Variants in ABCG8 observed in about 807,000 individuals in gnomAD.
The protein encoded by ABCG8 is ATP-binding cassette sub-family G member 8.
Under a neutral mutation model 71.3 loss-of-function variants are expected in ABCG8, and 81 were observed. The ratio of observed to expected loss-of-function variants is 1.14; its 90% confidence interval spans 0.95 to 1.37. ABCG8 has a LOEUF of 1.37. Ranked by LOEUF, ABCG8 falls within the 40% of genes most tolerant of loss-of-function variation. ABCG8 has a pLI of 0.00. For synonymous variants in ABCG8, 451 were observed against 354.7 expected (o/e 1.27, Z -3.05); for missense variants, 1,119 against 866.2 (o/e 1.29, Z -3.66).
rs763648421 is a variant in ABCG8, at chr2:43,872,197, A to G, written c.1128-26A>G. ...CCTGCAGAAGGTGGCTGCCCCCATGACCTGGCCACATCTTCTGCCTCCCAG... is the reference window on the plus strand; with the variant it reads ...CCTGCAGAAGGTGGCTGCCCCCATGGCCTGGCCACATCTTCTGCCTCCCAG... On this transcript the variant is annotated intron_variant, in intron 7 of 12. Transcript: ENST00000272286. 3 of 1,613,918 alleles carry G rather than the reference A, an allele frequency of 1.9e-6. No individual in the cohort carries two copies. In the South Asian group the frequency reaches 3.3e-5, roughly 18 times the overall value.
intron 6 of ABCG8, among the ~76,000 whole-genome samples, chr2:43,869,561 A>C (rs542452575): frequency 1.2e-4 from 18 of 151,106 alleles, no homozygotes; most frequent in South Asian, 8.4e-4. Flanking sequence ...AATTCTCACC[A>C]TCTGGATAGA....
chr2:43,842,711 T>G (rs376031498), intron 1 of ABCG8, among the ~76,000 whole-genome samples: 16 of 152,192 alleles, frequency 1.1e-4, no homozygotes, highest in African/African-American at 3.9e-4. Flanking sequence ...CTGTGTCCCC[T>G]TTCTCCTTTC....
At position 43,839,095 on chromosome 2, in the gene ABCG8, G is replaced by C. The variant is rs1415052353; in HGVS notation, c.42G>C (p.Gly14=). The C allele has an allele frequency of 7.1e-6, 11 of 1,551,284 alleles. No individual in the cohort carries two copies. Among genetic ancestry groups the C allele is most frequent in the Non-Finnish European group, 9.6e-6 (11 of 1,146,810 alleles). Reference sequence around the variant, plus strand: ...CAGAGGAGAGAGGGCTGCCGAAAGGGGCCACTCCCCAGGATACCTCGGTGA... The same window carrying C: ...CAGAGGAGAGAGGGCTGCCGAAAGGCGCCACTCCCCAGGATACCTCGGTGA... The part of the protein sequence containing the change: ...KAAEERGLPK[G]ATPQDTSGLQ... Residue 14 remains glycine, a synonymous_variant, in exon 1 of 13, where the codon GGG becomes GGC. Coordinates refer to ENST00000272286, the MANE Select transcript of ABCG8 (RefSeq NM_022437.3).
chr2:43,876,041 G>T (rs941227358), intron 11 of ABCG8, among the ~76,000 whole-genome samples: 3 of 152,084 alleles, frequency 2.0e-5, no homozygotes, highest in Non-Finnish European at 2.9e-5. Context: ...AGGGCTCATT[G>T]CCTCCTTCCC....
In ABCG8 at chr2:43,852,615, C is replaced by G. The variant is rs55702734; in HGVS notation, c.711C>G (p.Asp237Glu). 1.9e-6 allele frequency: 3 copies of G among 1,614,066 alleles called. No individual in the cohort carries two copies. Among genetic ancestry groups the G allele is most frequent in the African/African-American group, 1.3e-5 (1 of 74,930 alleles). The change falls in exon 6 of 13, where the codon GAC becomes GAG. Residue 237 changes from aspartate to glutamate, a missense_variant. By Grantham distance (45) the Asp-to-Glu change is conservative. Coordinates refer to ENST00000272286, the MANE Select transcript of ABCG8 (RefSeq NM_022437.3). ...GTTGGAAAGGAATCCTTATTCTCGA[C>G]GAACCCACCTCTGGGCTCGACAGCT... ...LLWNPGILIL[D>E]EPTSGLDSFT...
intron 9 of ABCG8, 72 bp from the exon 10 acceptor site, chr2:43,874,335 G>A (rs1325594864): frequency 8.1e-7 from 1 of 1,234,932 alleles, no homozygotes; most frequent in Non-Finnish European, 1.2e-6. Context: ...TGTATTAAGA[G>A]AGTCTCCAAA....
chr2:43,875,087 T>A (rs1669913279), intron 10 of ABCG8, 59 bp from the exon 11 acceptor site: 1 of 1,612,168 alleles, frequency 6.2e-7, no homozygotes, highest in Admixed American at 1.7e-5. Flanking sequence ...TTTTAAACGT[T>A]TATAATAATG....
At chr2:43,841,547 C>A (rs145722335) in intron 1 of ABCG8, among the ~76,000 whole-genome samples, 2 of 152,316 alleles carry the variant, frequency 1.3e-5, no homozygotes, top group East Asian at 1.9e-4. Context: ...AACCCAGGCA[C>A]GAATTTTCTT....
chr2:43,881,956 G>A lies in ABCG8; in HGVS notation c.*4043G>A, dbSNP rs998637749. ...TAGACTATAGTAACGTACAGCCGGT[G>A]TGGCTGTCTTCTAAGAAAGTATTAT... On this transcript the variant is annotated 3_prime_UTR_variant, in exon 13 of 13. Transcript: ENST00000272286. 3 of 152,288 alleles carry A rather than the reference G, an allele frequency of 2.0e-5. No homozygotes were observed. Among genetic ancestry groups the A allele is most frequent in the Non-Finnish European group, 4.4e-5 (3 of 68,020 alleles). 9.4% of individuals were successfully genotyped at this position (152,288 alleles called of 1,614,324 possible).
chr2:43,874,583 G>A (rs1669897370), intron 10 of ABCG8, 100 bp downstream of exon 10: 2 of 981,580 alleles, frequency 2.0e-6, no homozygotes, highest in Non-Finnish European at 3.3e-6. Flanking sequence ...GAACCATGGG[G>A]CCGTGGGTCA....
intron 9 of ABCG8, 32 bp downstream of exon 9, chr2:43,874,018 G>A (rs753891696): frequency 1.9e-6 from 3 of 1,611,034 alleles, no homozygotes; most frequent in Non-Finnish European, 2.5e-6. Context: ...GGGCAGGCAG[G>A]ACCTCAGCCA....
intron 1 of ABCG8, among the ~76,000 whole-genome samples, chr2:43,840,120 C>A (rs530234179): frequency 2.0e-5 from 3 of 152,322 alleles, no homozygotes; most frequent in East Asian, 3.9e-4. Flanking sequence ...ACCTTTCCAT[C>A]TTTGCCTGTT....
At chr2:43,877,493 C>T (rs1011837902) in intron 11 of ABCG8, 68 bp from the exon 12 acceptor site, 40 of 1,609,312 alleles carry the variant, frequency 2.5e-5, no homozygotes, top group Non-Finnish European at 3.3e-5. Context: ...TGGGGGAGAC[C>T]ATGCGAATAT....
chr2:43,875,002 TG>T, intron 10 of ABCG8, 143 bp from the exon 11 acceptor site: 1 of 1,182,464 alleles, frequency 8.5e-7, no homozygotes, highest in Non-Finnish European at 1.2e-6. Flanking sequence ...CTCATGCTCC[TG>T]GGTCCCAGCA....
rs1669870761 is a variant in ABCG8 at position 43,873,999 on chromosome 2, C to G, written c.1411+13C>G. The G allele has an allele frequency of 6.2e-7, 1 of 1,613,534 alleles. No homozygotes were observed. ...GTCATCTCCAAATGTGAGTGTGGCC[C>G]ACTGGCATGGGCAGGCAGGACCTCA... is the stretch of plus-strand genomic sequence containing the variant. On this transcript the variant is annotated intron_variant, in intron 9 of 12. Transcript: ENST00000272286.
Position 43,852,703 on chromosome 2 carries a change from A to C in ABCG8, c.799A>C (p.Ile267Leu). ...GGCCAAAGGCAACCGGCTGGTGCTC[A>C]TCTCCCTCCACCAGCCTCGCTCTGA... ...RLAKGNRLVL[I>L]SLHQPRSDIF... The change falls in exon 6 of 13, where the codon ATC (isoleucine) becomes CTC (leucine). Residue 267 changes from isoleucine to leucine, a missense_variant. Coordinates refer to ENST00000272286, the MANE Select transcript of ABCG8 (RefSeq NM_022437.3). The C allele has an allele frequency of 6.2e-7, 1 of 1,614,110 alleles. No homozygotes were observed. The highest frequency in any genetic ancestry group is 8.5e-7 in the Non-Finnish European group (1 of 1,180,012).
intron 6 of ABCG8, among the ~76,000 whole-genome samples, chr2:43,864,104 A>G (rs916803786): frequency 1.3e-5 from 2 of 151,108 alleles, no homozygotes; most frequent in Admixed American, 6.6e-5. Flanking sequence ...AACTCTCACT[A>G]TCTATCTGGA....
chr2:43,871,662 C>A (rs1669778702), intron 6 of ABCG8, among the ~76,000 whole-genome samples: 1 of 152,200 alleles, frequency 6.6e-6, no homozygotes, highest in Non-Finnish European at 1.5e-5. Context: ...CTTGCTCTGT[C>A]CTAAGATGTC....
intron 6 of ABCG8, among the ~76,000 whole-genome samples, chr2:43,862,147 T>G (rs1403986649): frequency 6.6e-6 from 1 of 151,324 alleles, no homozygotes; most frequent in African/African-American, 2.4e-5. Context: ...ACTCTCAGTA[T>G]CTGGCTAGAT....
Sources: allele counts gnomAD v4.1 joint callset (sites outside exome capture counted in the v4.1 genomes callset), GRCh38; gene constraint gnomAD v4.1.1; transcripts MANE v1.5; gene names NCBI Gene and HGNC (gene_info 2026-07-23, HGNC 2026-07-21).